The following KDM2A variants were observed in gnomAD, a reference collection of about 807,000 sequenced individuals.
KDM2A encodes the protein lysine-specific demethylase 2A.
A neutral mutation model predicts 137.3 loss-of-function variants in KDM2A; 3 were observed. That is an observed-to-expected ratio of 0.02 (90% CI 0.01 to 0.06). KDM2A has a LOEUF of 0.06. Ranked by LOEUF, KDM2A falls within the 10% of genes least tolerant of loss-of-function variation. KDM2A has a pLI of 1.00. For synonymous variants in KDM2A, 512 were observed against 541.5 expected (o/e 0.95, Z 0.76); for missense variants, 738 against 1,510.6 (o/e 0.49, Z 8.48).
At chr11:67,195,809 T>C (rs1857465698) in intron 5 of KDM2A, 1 of 200,904 alleles carries the variant, frequency 5.0e-6, no homozygotes, top group Admixed American at 5.3e-5. Context: ...TAGTTAGAAT[T>C]GTTAATATTG....
At chr11:67,208,974 C>T (rs1857896194) in intron 6 of KDM2A, among the ~76,000 whole-genome samples, 1 of 151,546 alleles carries the variant, frequency 6.6e-6, no homozygotes, top group Non-Finnish European at 1.5e-5. Flanking sequence ...CACATTGTTG[C>T]CCGGGATATA....
chr11:67,203,180 A>G (rs1857691386), intron 5 of KDM2A, among the ~76,000 whole-genome samples: 1 of 152,096 alleles, frequency 6.6e-6, no homozygotes, highest in African/African-American at 2.4e-5. Flanking sequence ...GATTGTTAGC[A>G]TTTTTAGCAA....
intron 2 of KDM2A, among the ~76,000 whole-genome samples, chr11:67,178,208 C>T (rs1278957000): frequency 2.0e-5 from 3 of 152,002 alleles, no homozygotes; most frequent in Admixed American, 1.3e-4. Flanking sequence ...GAGTTCGAGA[C>T]CAGCCTGGCC....
intron 5 of KDM2A, among the ~76,000 whole-genome samples, chr11:67,202,627 C>G (rs1297839814): frequency 6.6e-6 from 1 of 150,490 alleles, no homozygotes; most frequent in African/African-American, 2.5e-5. Context: ...AAAAAAAAAA[C>G]TAGCCAGGCA....
intron 2 of KDM2A, among the ~76,000 whole-genome samples, chr11:67,162,957 G>T (rs1271265809): frequency 6.6e-6 from 1 of 152,116 alleles, no homozygotes; most frequent in Non-Finnish European, 1.5e-5. Flanking sequence ...TGATCCTCTT[G>T]CCCCAGCCTC....
chr11:67,165,984 A>G (rs1179116014), intron 2 of KDM2A, among the ~76,000 whole-genome samples: 1 of 152,234 alleles, frequency 6.6e-6, no homozygotes, highest in Non-Finnish European at 1.5e-5. Flanking sequence ...TATTATACTG[A>G]TGACTTAACA....
chr11:67,201,210 A>G (rs1290540928), intron 5 of KDM2A, among the ~76,000 whole-genome samples: 1 of 49,168 alleles, frequency 2.0e-5, no homozygotes, highest in East Asian at 5.3e-4. Flanking sequence ...AAAAATATAT[A>G]TATATATATG....
chr11:67,247,372 G>A (rs1859282131), intron 15 of KDM2A, among the ~76,000 whole-genome samples: 1 of 147,558 alleles, frequency 6.8e-6, no homozygotes, highest in African/African-American at 2.5e-5. Flanking sequence ...TTATAGGTGT[G>A]AGCTACCGCA....
intron 5 of KDM2A, among the ~76,000 whole-genome samples, chr11:67,200,496 C>T (rs554464511): frequency 3.9e-5 from 6 of 152,216 alleles, no homozygotes; most frequent in South Asian, 4.2e-4. Flanking sequence ...GGATTATAGG[C>T]GTGAGCGACC....
At chr11:67,174,925 G>A (rs1856947307) in intron 2 of KDM2A, among the ~76,000 whole-genome samples, 1 of 152,200 alleles carries the variant, frequency 6.6e-6, no homozygotes, top group South Asian at 2.1e-4. Flanking sequence ...TGGGCCTAGT[G>A]AGGACTGGTA....
chr11:67,163,592 G>T (rs927012858), intron 2 of KDM2A, among the ~76,000 whole-genome samples: 1 of 152,102 alleles, frequency 6.6e-6, no homozygotes, highest in South Asian at 2.1e-4. Context: ...CGTGGCTCAC[G>T]CCTGTAATTC....
intron 12 of KDM2A, among the ~76,000 whole-genome samples, chr11:67,236,686 C>T (rs1344880895): frequency 6.6e-6 from 1 of 152,074 alleles, no homozygotes; most frequent in African/African-American, 2.4e-5. Context: ...AACCTATTTT[C>T]TCCTCTATAA....
In KDM2A at chr11:67,215,629, C is replaced by T. The variant is rs570974709; in HGVS notation, c.593+183C>T. 13 of 615,266 alleles carry T rather than the reference C, an allele frequency of 2.1e-5. No individual in the cohort carries two copies. In the African/African-American group the frequency reaches 2.4e-4, roughly 11 times the overall value. The allele number at this position is 615,266 out of a possible 1,614,324, so 38.1% of individuals were successfully genotyped here. A position where few individuals can be genotyped will look rare whatever the true frequency, so the allele number is the denominator to read the frequency against. Reference sequence around the variant, plus strand: ...ATGTGAGCATACCATAGCACACAACCACACAGTTAAAGGAAAAAAAACTTA... The same window carrying T: ...ATGTGAGCATACCATAGCACACAACTACACAGTTAAAGGAAAAAAAACTTA... On this transcript the variant is annotated intron_variant, in intron 7 of 20. Coordinates refer to ENST00000529006, the MANE Select transcript of KDM2A (RefSeq NM_012308.3).
intron 2 of KDM2A, among the ~76,000 whole-genome samples, chr11:67,158,627 C>A (rs898097146): frequency 5.3e-5 from 8 of 152,178 alleles, no homozygotes; most frequent in Non-Finnish European, 8.8e-5. Flanking sequence ...TAACTTGCAA[C>A]TCCCTAATGA....
At chr11:67,195,723 A>G (rs1407436525) in intron 5 of KDM2A, 1 of 170,150 alleles carries the variant, frequency 5.9e-6, no homozygotes. Context: ...TTCTGTTAGA[A>G]CTTTAGTTAT....
intron 2 of KDM2A, among the ~76,000 whole-genome samples, chr11:67,145,036 CT>C (rs1404435116): frequency 6.6e-6 from 1 of 150,792 alleles, no homozygotes; most frequent in African/African-American, 2.4e-5. Context: ...TGCCCAACTA[CT>C]TTTTTTGTAT....
intron 12 of KDM2A, among the ~76,000 whole-genome samples, chr11:67,240,748 G>A (rs757817902): frequency 1.3e-5 from 2 of 152,172 alleles, no homozygotes; most frequent in Non-Finnish European, 2.9e-5. Context: ...AAGGGTGGTG[G>A]CTTCTTTATA....
intron 2 of KDM2A, among the ~76,000 whole-genome samples, chr11:67,135,697 T>C (rs981217581): frequency 1.3e-5 from 2 of 152,252 alleles, no homozygotes; most frequent in Non-Finnish European, 2.9e-5. Flanking sequence ...CTTTGTCTCT[T>C]GTGTCTTTTT....
chr11:67,186,919 A>T (rs1056310296), intron 5 of KDM2A, among the ~76,000 whole-genome samples: 1 of 152,204 alleles, frequency 6.6e-6, no homozygotes, highest in Non-Finnish European at 1.5e-5. Flanking sequence ...CCATGAATGA[A>T]TGAATGAGTT....
Sources: allele counts gnomAD v4.1 joint callset (sites outside exome capture counted in the v4.1 genomes callset), GRCh38; gene constraint gnomAD v4.1.1; transcripts MANE v1.5; gene names NCBI Gene and HGNC (gene_info 2026-07-23, HGNC 2026-07-21).